AP3S1: variants seen among roughly 807,000 people sequenced by gnomAD.
The protein encoded by AP3S1 is AP-3 complex subunit sigma-1.
A neutral mutation model predicts 21.3 loss-of-function variants in AP3S1; 12 were observed. That is an observed-to-expected ratio of 0.56 (90% CI 0.36 to 0.91). The LOEUF is 0.91. Ranked by LOEUF, AP3S1 falls within the 40% of genes least tolerant of loss-of-function variation. The pLI is 0.01. For synonymous variants in AP3S1, 48 were observed against 78.4 expected (o/e 0.61, Z 2.05); for missense variants, 116 against 225.0 (o/e 0.52, Z 3.10).
intron 1 of AP3S1, among the ~76,000 whole-genome samples, chr5:115,861,897 C>G (rs1202803631): frequency 8.1e-6 from 1 of 124,020 alleles, no homozygotes; most frequent in East Asian, 2.2e-4. Context: ...GATGGGGTCT[C>G]GCTATGTTGC....
chr5:115,876,349 A>C (rs1748710545), intron 3 of AP3S1, among the ~76,000 whole-genome samples: 1 of 152,184 alleles, frequency 6.6e-6, no homozygotes, highest in South Asian at 2.1e-4. Context: ...TGGAGCTGGA[A>C]GTGACTTAAA....
chr5:115,866,708 C>T lies in AP3S1; in HGVS notation c.108C>T (p.Phe36=), dbSNP rs1396897456. 8 of 1,605,688 alleles carry T rather than the reference C, an allele frequency of 5.0e-6. No individual in the cohort carries two copies. Among genetic ancestry groups the T allele is most frequent in the Non-Finnish European group, 6.8e-6 (8 of 1,174,980 alleles). The change falls in exon 2 of 6, where the codon TTC becomes TTT. Residue 36 remains phenylalanine, a synonymous_variant. Transcript: ENST00000316788. ...AACAGCAAATCATCAGGGAGACTTT[C>T]CATTTGGTATCTAAGAGAGATGAAA... ...DTQQQIIRET[F]HLVSKRDENV...
At chr5:115,860,950 T>C (rs1232327160) in intron 1 of AP3S1, among the ~76,000 whole-genome samples, 1 of 152,222 alleles carries the variant, frequency 6.6e-6, no homozygotes, top group Non-Finnish European at 1.5e-5. Context: ...TAAATGGTTG[T>C]GGATCCTGTC....
At chr5:115,899,525 T>A (rs1460552447) in intron 4 of AP3S1, among the ~76,000 whole-genome samples, 1 of 152,198 alleles carries the variant, frequency 6.6e-6, no homozygotes, top group Non-Finnish European at 1.5e-5. Context: ...TGACCTCAAG[T>A]GATCCTCCTG....
intron 3 of AP3S1, among the ~76,000 whole-genome samples, chr5:115,871,277 A>G (rs983776586): frequency 3.3e-5 from 5 of 152,176 alleles, no homozygotes; most frequent in Admixed American, 3.3e-4. Context: ...ATTGTCTCCT[A>G]ATAGATTTTG....
intron 4 of AP3S1, 95 bp downstream of exon 4, chr5:115,895,253 A>G (rs1750655564): frequency 9.9e-6 from 8 of 804,516 alleles, no homozygotes; most frequent in Middle Eastern, 3.5e-4. Flanking sequence ...TTCTATTTTT[A>G]TTCTTTTATT....
chr5:115,882,503 C>T (rs947737314), intron 3 of AP3S1, among the ~76,000 whole-genome samples: 3 of 152,154 alleles, frequency 2.0e-5, no homozygotes, highest in African/African-American at 4.8e-5. Flanking sequence ...CTCCAGACCC[C>T]GTTTGCCTGG....
At chr5:115,899,007 G>T (rs1750992361) in intron 4 of AP3S1, among the ~76,000 whole-genome samples, 1 of 152,204 alleles carries the variant, frequency 6.6e-6, no homozygotes, top group Non-Finnish European at 1.5e-5. Context: ...AAGATTCTGT[G>T]CAGGGCTTGG....
chr5:115,867,969 T>G (rs1468658297), intron 2 of AP3S1, among the ~76,000 whole-genome samples: 1 of 152,190 alleles, frequency 6.6e-6, no homozygotes, highest in Non-Finnish European at 1.5e-5. Flanking sequence ...CACATCTAGT[T>G]TAATCCTAGT....
At position 115,842,124 on chromosome 5, in the gene AP3S1, G is replaced by A. The variant is rs368475651; in HGVS notation, c.69+18G>A. ...AGCCCTACGTGAGTATCCAGCCGCC[G>A]CTGATCCGGGCGAGGGGGAGTCGTT... On this transcript the variant is annotated intron_variant, in intron 1 of 5. Transcript: ENST00000316788. 9.7e-4 allele frequency: 1,496 copies of A among 1,538,268 alleles called. No homozygotes were observed. The highest frequency in any genetic ancestry group is 1.2e-3 in the Non-Finnish European group (1,416 of 1,143,330).
intron 3 of AP3S1, 95 bp downstream of exon 3, chr5:115,870,223 G>A (rs933915309): frequency 2.7e-6 from 2 of 749,728 alleles, no homozygotes; most frequent in Non-Finnish European, 4.2e-6. Context: ...AATGATGTTA[G>A]TAAGAAATAA....
At chr5:115,908,735 C>T (rs1751860690) in intron 5 of AP3S1, among the ~76,000 whole-genome samples, 1 of 152,134 alleles carries the variant, frequency 6.6e-6, no homozygotes, top group African/African-American at 2.4e-5. Context: ...AGAGAATTGT[C>T]ATGAGCTTAT....
At chr5:115,895,566 G>A (rs1051083975) in intron 4 of AP3S1, among the ~76,000 whole-genome samples, 36 of 152,248 alleles carry the variant, frequency 2.4e-4, no homozygotes, top group African/African-American at 8.7e-4. Flanking sequence ...TTTTTGTGAG[G>A]AGGGACTGAT....
chr5:115,883,507 C>T (rs1749493046), intron 3 of AP3S1, among the ~76,000 whole-genome samples: 1 of 152,204 alleles, frequency 6.6e-6, no homozygotes, highest in African/African-American at 2.4e-5. Context: ...CCCCACCCTG[C>T]TTCTGCTCAC....
intron 2 of AP3S1, among the ~76,000 whole-genome samples, chr5:115,868,951 A>AAGGAAGGGAGGGAGGGAGGG (rs1295872331): frequency 2.3e-5 from 1 of 43,634 alleles, no homozygotes; most frequent in African/African-American, 1.0e-4. Context: ...GGAAGGAAGG[A>AAGGAAGGGAGGGAGGGAGGG]AGGGAGGGAG....
chr5:115,842,236 T>G (rs1031471995), intron 1 of AP3S1, 130 bp downstream of exon 1: 1 of 1,341,450 alleles, frequency 7.5e-7, no homozygotes, highest in African/African-American at 1.6e-5. Flanking sequence ...CGCCTGGCGC[T>G]CGCCAGCTGT....
chr5:115,846,016 T>C (rs1352846583), intron 1 of AP3S1, among the ~76,000 whole-genome samples: 2 of 152,256 alleles, frequency 1.3e-5, no homozygotes, highest in Non-Finnish European at 2.9e-5. Context: ...CAGTAACCTT[T>C]AGTCTTTTAA....
At chr5:115,844,351 G>T (rs1394897673) in intron 1 of AP3S1, among the ~76,000 whole-genome samples, 1 of 152,022 alleles carries the variant, frequency 6.6e-6, no homozygotes, top group Non-Finnish European at 1.5e-5. Flanking sequence ...ATAGTATTAC[G>T]TGCTGTGGAA....
intron 1 of AP3S1, among the ~76,000 whole-genome samples, chr5:115,843,163 G>C (rs182417455): frequency 9.8e-5 from 15 of 152,314 alleles, no homozygotes; most frequent in Admixed American, 8.5e-4. Flanking sequence ...ATTAATGTGA[G>C]GTATAACTGT....
Sources: allele counts gnomAD v4.1 joint callset (sites outside exome capture counted in the v4.1 genomes callset), GRCh38; gene constraint gnomAD v4.1.1; transcripts MANE v1.5; gene names NCBI Gene and HGNC (gene_info 2026-07-23, HGNC 2026-07-21).